Variants in ADGRF3 observed in about 807,000 individuals in gnomAD.
The protein encoded by ADGRF3 is adhesion G protein-coupled receptor F3, also known as G protein-coupled receptor 113.
A neutral mutation model predicts 93.2 loss-of-function variants in ADGRF3; 85 were observed. The observed-to-expected ratio is 0.91, with a 90% CI of 0.77 to 1.09. The LOEUF is 1.09. ADGRF3 is among the 50% of genes least tolerant of loss of function. The pLI is 0.00. For synonymous variants in ADGRF3, 534 were observed against 532.5 expected (o/e 1.00, Z -0.04); for missense variants, 1,125 against 1,246.2 (o/e 0.90, Z 1.46).
chr2:26,324,525 CA>C (rs1675337738), intron 1 of ADGRF3, among the ~76,000 whole-genome samples: 1 of 152,016 alleles, frequency 6.6e-6, no homozygotes, highest in South Asian at 2.1e-4. Flanking sequence ...TGTATGTGTC[CA>C]TGTGTTTTCA....
Position 26,311,615 on chromosome 2 carries a change from C to G in ADGRF3, c.1909G>C (p.Asp637His), listed in dbSNP as rs149849206. The G allele has an allele frequency of 5.0e-5, 80 of 1,613,706 alleles. No individual in the cohort carries two copies. The South Asian group carries it at 5.2e-4, about 10-fold the overall frequency. Residue 637 changes from aspartate to histidine, a missense_variant, in exon 10 of 14, where the codon GAC becomes CAC. Asp to His is a moderately conservative substitution (Grantham distance 81, BLOSUM62 -1). Transcript: ENST00000651242. ...RAFSQGEVIM[D>H]FGNTDGSPHC... ...GGGGAACCATCTGTGTTCCCAAAGTCCATGATGACCTCTCCCTGGCTGAAG... is the reference window on the plus strand; with the variant it reads ...GGGGAACCATCTGTGTTCCCAAAGTGCATGATGACCTCTCCCTGGCTGAAG...
chr2:26,328,484 C>T (rs1357785948), intron 1 of ADGRF3, among the ~76,000 whole-genome samples: 9 of 132,784 alleles, frequency 6.8e-5, no homozygotes, highest in Admixed American at 1.7e-4. Context: ...GACGGAGTCT[C>T]GCTCTATTGC....
intron 1 of ADGRF3, chr2:26,318,165 A>C: frequency 7.9e-7 from 1 of 1,265,292 alleles, no homozygotes; most frequent in Non-Finnish European, 1.1e-6. Flanking sequence ...AGGAGAGAGA[A>C]CATGGCAGTC....
chr2:26,345,822 G>A (rs1050778105), intron 1 of ADGRF3: 1 of 405,820 alleles, frequency 2.5e-6, no homozygotes, highest in East Asian at 4.8e-5. Flanking sequence ...ACCTTCCCCC[G>A]GGACCGGGAG....
chr2:26,337,535 G>C (rs1676124088), intron 1 of ADGRF3, among the ~76,000 whole-genome samples: 1 of 152,096 alleles, frequency 6.6e-6, no homozygotes, highest in Admixed American at 6.6e-5. Context: ...CAAATAAAAT[G>C]GTTCTTATTT....
At position 26,313,133 on chromosome 2, in the gene ADGRF3, C is replaced by T. The variant is rs200395436; in HGVS notation, c.1270-11G>A. ...GCCTGCCTGCAGCAGCTGAGACAGACGAGACAGCATGAAGTGGGACACATG... is the reference window on the plus strand; with the variant it reads ...GCCTGCCTGCAGCAGCTGAGACAGATGAGACAGCATGAAGTGGGACACATG... On this transcript the variant is annotated splice_polypyrimidine_tract_variant and intron_variant, in intron 8 of 13. Transcript: ENST00000651242. The T allele has an allele frequency of 1.0e-4, 162 of 1,613,366 alleles. No individual in the cohort carries two copies. In the East Asian group the frequency reaches 2.6e-3, roughly 26 times the overall value.
chr2:26,311,865 A>T lies in ADGRF3; in HGVS notation c.1659T>A (p.Ala553=), dbSNP rs762937622. 6.2e-7 allele frequency: 1 copy of T among 1,613,946 alleles called. No homozygotes were observed. The highest frequency in any genetic ancestry group is 2.2e-5 in the East Asian group (1 of 44,876). ...QSQLFGPTFP[A]DYSISFPTRP... is the part of the protein sequence containing the mutation. ...GAGTAGGGAAGGAGATGCTGTAGTC[A>T]GCAGGAAACGTGGGTCCAAACAGCT... The change falls in exon 10 of 14, where the codon GCT becomes GCA. Residue 553 remains alanine (A), a synonymous_variant. Coordinates refer to ENST00000651242, the MANE Select transcript of ADGRF3 (RefSeq NM_001321971.2).
chr2:26,344,424 G>C (rs1005174554), intron 1 of ADGRF3, among the ~76,000 whole-genome samples: 2 of 152,112 alleles, frequency 1.3e-5, no homozygotes, highest in Non-Finnish European at 2.9e-5. Context: ...GATTACAAGC[G>C]TGAGCCACCG....
At chr2:26,319,619 CTTTCTTTG>C (rs1176081786) in intron 1 of ADGRF3, among the ~76,000 whole-genome samples, 61 of 58,622 alleles carry the variant, frequency 1.0e-3, no homozygotes, top group Admixed American at 2.3e-4. Context: ...TCCTTCCTTT[CTTTCTTTG>C]TTTCTTTCTT....
chr2:26,315,089 G>C (rs1488227404), intron 5 of ADGRF3, among the ~76,000 whole-genome samples: 1 of 152,172 alleles, frequency 6.6e-6, no homozygotes, highest in African/African-American at 2.4e-5. Context: ...AATCTTGCCC[G>C]TGTCTGGGTT....
At position 26,311,960 on chromosome 2, in the gene ADGRF3, G is replaced by A. The variant is rs749569618; in HGVS notation, c.1564C>T (p.Leu522=). ...GSTLLLAVET[L]ACSLCPQDHP... ...TCCTGTGGGCACAGGCTGCATGCCAGGGTCTCCACAGCCAGCAGGAGAGTC... is the reference window on the plus strand; with the variant it reads ...TCCTGTGGGCACAGGCTGCATGCCAAGGTCTCCACAGCCAGCAGGAGAGTC... Residue 522 remains leucine, a synonymous_variant, in exon 10 of 14, where the codon CTG becomes TTG. Coordinates refer to ENST00000651242, the MANE Select transcript of ADGRF3 (RefSeq NM_001321971.2). 2 of 1,613,396 alleles carry A rather than the reference G, an allele frequency of 1.2e-6. No homozygotes were observed. The highest frequency in any genetic ancestry group is 2.2e-5 in the East Asian group (1 of 44,870).
Position 26,315,603 on chromosome 2 carries a change from G to A in ADGRF3, c.637C>T (p.Gln213Ter), listed in dbSNP as rs1674579895. Residue 213 changes from glutamine to a stop codon, truncating the protein, a stop_gained, in exon 5 of 14, where the codon CAG becomes TAG. Coordinates refer to ENST00000651242, the MANE Select transcript of ADGRF3 (RefSeq NM_001321971.2). LOFTEE classifies it high-confidence loss of function. The part of the protein sequence containing the change: ...HPGSPSPILL[Q>*]PGTQVSVTSS... ...GTCACAGACACCTGTGTCCCTGGCT[G>A]CAGGAGGATGGGACTGGGGCTCCCT... 1 of 1,551,674 alleles carries A rather than the reference G, an allele frequency of 6.4e-7. No individual in the cohort carries two copies. The highest frequency in any genetic ancestry group is 8.7e-7 in the Non-Finnish European group (1 of 1,147,002).
chr2:26,330,848 G>A (rs1675730520), intron 1 of ADGRF3, among the ~76,000 whole-genome samples: 1 of 152,174 alleles, frequency 6.6e-6, no homozygotes, highest in South Asian at 2.1e-4. Context: ...TCGGTGGTAT[G>A]TTGAATTCTG....
intron 6 of ADGRF3, 75 bp from the exon 7 acceptor site, chr2:26,313,978 G>C: frequency 1.3e-6 from 2 of 1,555,036 alleles, no homozygotes; most frequent in Non-Finnish European, 1.8e-6. Context: ...CTGACATGCT[G>C]TTTCAGTCTT....
intron 4 of ADGRF3, among the ~76,000 whole-genome samples, chr2:26,315,957 C>T (rs185085772): frequency 2.0e-5 from 3 of 151,846 alleles, no homozygotes; most frequent in Non-Finnish European, 2.9e-5. Flanking sequence ...AAAGAGGGAA[C>T]CTTTTTGGTC....
At chr2:26,344,589 A>T (rs13406551) in intron 1 of ADGRF3, among the ~76,000 whole-genome samples, 17,722 of 152,270 alleles carry the variant, frequency 0.12, 2,457 homozygotes, top group African/African-American at 0.33. Context: ...ATTAAGATGT[A>T]TAAGATGCAA....
chr2:26,345,109 C>A (rs907846030), intron 1 of ADGRF3, among the ~76,000 whole-genome samples: 21 of 152,102 alleles, frequency 1.4e-4, no homozygotes, highest in Non-Finnish European at 1.5e-5. Context: ...TTCCGAGCTT[C>A]GTAACTAAGT....
At chr2:26,309,375 G>C (rs1035962465) in intron 13 of ADGRF3, 151 bp downstream of exon 13, 24 of 1,495,244 alleles carry the variant, frequency 1.6e-5, no homozygotes, top group Non-Finnish European at 2.1e-5. Flanking sequence ...ATCTAGCAAT[G>C]GCTACCCTAG....
At chr2:26,339,613 C>G (rs1391659942) in intron 1 of ADGRF3, among the ~76,000 whole-genome samples, 1 of 152,110 alleles carries the variant, frequency 6.6e-6, no homozygotes, top group South Asian at 2.1e-4. Context: ...ACTGCAGAAG[C>G]CTTTTCCCTT....
Sources: gnomAD v4.1 joint callset for allele counts (sites outside exome capture counted in the v4.1 genomes callset) on GRCh38, gnomAD v4.1.1 for gene constraint, MANE v1.5 for transcripts, NCBI Gene and HGNC (gene_info 2026-07-23, HGNC 2026-07-21) for gene names.